The following USP32 variants were observed in gnomAD, a reference collection of about 807,000 sequenced individuals.
USP32 encodes ubiquitin carboxyl-terminal hydrolase 32.
A neutral mutation model predicts 204.8 loss-of-function variants in USP32; 59 were observed. The observed-to-expected ratio is 0.29, with a 90% confidence interval of 0.23 to 0.36. The LOEUF is 0.36. Ranked by LOEUF, USP32 falls within the 10% of genes least tolerant of loss-of-function variation. USP32 has a pLI of 1.00. For missense variants in USP32, 1,160 were observed against 1,946.4 expected, an observed-to-expected ratio of 0.60 and a Z score of 7.60; for synonymous variants, 517 against 678.4, an observed-to-expected ratio of 0.76 and a Z score of 3.70.
At chr17:60,378,906 T>C (rs1028780302) in intron 1 of USP32, among the ~76,000 whole-genome samples, 1 of 151,996 alleles carries the variant, frequency 6.6e-6, no homozygotes, top group Middle Eastern at 3.2e-3. Context: ...ATAGTTCAAA[T>C]GGTAAATGGT....
chr17:60,239,819 C>T lies in USP32; in HGVS notation c.1137-3579G>A, dbSNP rs113413455. On this transcript the variant is annotated intron_variant, in intron 11 of 33. Transcript: ENST00000300896. ...CACAATCTCAGATCACTACAACCTC[C>T]GCCTCCCGGGTTCAAGGGATTCTCC... Among the ~76,000 whole-genome samples the T allele has an allele frequency of 2.1e-3, 324 of 152,266 alleles. 2 individuals are homozygous for T. The highest frequency in any genetic ancestry group is 6.8e-3 in the Middle Eastern group (2 of 294).
chr17:60,243,354 T>G (rs193043535), intron 11 of USP32, among the ~76,000 whole-genome samples: 6 of 152,372 alleles, frequency 3.9e-5, no homozygotes, highest in Non-Finnish European at 8.8e-5. Context: ...TTTTATTTCC[T>G]TTTCTTGCCT....
At position 60,421,367 on chromosome 17, in the gene USP32, C is replaced by A. The variant is rs564682251; in HGVS notation, c.106+879G>T. The A allele has an allele frequency of 3.2e-5, 32 of 985,490 alleles. No homozygotes were observed. In the African/African-American group the frequency reaches 5.2e-4, roughly 16 times the overall value. The allele number at this position is 985,490 out of a possible 1,614,324, so 61.0% of individuals were successfully genotyped here. A position where few individuals can be genotyped will look rare whatever the true frequency, so the allele number is the denominator to read the frequency against. Reference sequence around the variant, plus strand: ...CCAAAGCTCCGGGCCTCCGGGCTACCCCTACTTGAAGCCGCTATGCCCCTC... The same window carrying A: ...CCAAAGCTCCGGGCCTCCGGGCTACACCTACTTGAAGCCGCTATGCCCCTC... On this transcript the variant is annotated intron_variant, in intron 1 of 3. Transcript: ENST00000588898.
At chr17:60,252,007 A>T (rs939873037) in intron 11 of USP32, among the ~76,000 whole-genome samples, 2 of 152,054 alleles carry the variant, frequency 1.3e-5, no homozygotes, top group African/African-American at 4.8e-5. Context: ...TATGAATATT[A>T]AAAATGTCTA....
intron 26 of USP32, among the ~76,000 whole-genome samples, chr17:60,202,010 G>A (rs2259529): frequency 4.0e-5 from 6 of 151,752 alleles, no homozygotes; most frequent in East Asian, 1.9e-4. Context: ...TATGAGTAGC[G>A]TCAGGAATGT....
intron 11 of USP32, among the ~76,000 whole-genome samples, 184 bp from the exon 12 acceptor site, chr17:60,236,424 T>C (rs543149727): frequency 3.9e-5 from 6 of 152,086 alleles, no homozygotes; most frequent in Non-Finnish European, 7.3e-5. Context: ...TCAAGAGTCA[T>C]AGGGCAGTAT....
intron 1 of USP32, among the ~76,000 whole-genome samples, chr17:60,408,176 AG>A (rs539354888): frequency 1.1e-4 from 17 of 152,240 alleles, no homozygotes; most frequent in Admixed American, 4.6e-4. Context: ...ACCAAGAAGC[AG>A]GGGGGAAAAA....
At chr17:60,290,833 A>G (rs1342592341) in intron 4 of USP32, among the ~76,000 whole-genome samples, 1 of 152,114 alleles carries the variant, frequency 6.6e-6, no homozygotes, top group Non-Finnish European at 1.5e-5. Context: ...CTGATTACCA[A>G]TGGTCAATGA....
chr17:60,206,947 T>C, intron 25 of USP32, 74 bp downstream of exon 25: 3 of 1,538,220 alleles, frequency 2.0e-6, no homozygotes, highest in South Asian at 1.2e-5. Context: ...CATGAACAAA[T>C]ATAAAAAAGA....
intron 2 of USP32, among the ~76,000 whole-genome samples, chr17:60,341,585 C>T (rs1051389307): frequency 3.3e-5 from 5 of 152,240 alleles, no homozygotes; most frequent in South Asian, 4.1e-4. Context: ...TATTTCTTGG[C>T]GGCTTTGTTC....
intron 26 of USP32, among the ~76,000 whole-genome samples, chr17:60,201,715 A>G (rs2084680502): frequency 1.3e-5 from 2 of 151,678 alleles, no homozygotes; most frequent in African/African-American, 4.9e-5. Context: ...CTGGAATGCA[A>G]TGGCATGATC....
chr17:60,341,354 G>C (rs1444098706), intron 2 of USP32, among the ~76,000 whole-genome samples: 1 of 151,894 alleles, frequency 6.6e-6, no homozygotes, highest in Non-Finnish European at 1.5e-5. Context: ...AGGAGCTCTT[G>C]TAAGGCAGGC....
At chr17:60,422,318 C>T (rs902538593) in exon 1 of USP32, 25 of 635,366 alleles carry the variant, frequency 3.9e-5, no homozygotes, top group Middle Eastern at 5.3e-4. Context: ...GCCTGCTGTG[C>T]GCTCTGCCAA....
At chr17:60,350,584 C>T (rs1434930080) in intron 1 of USP32, among the ~76,000 whole-genome samples, 1 of 152,160 alleles carries the variant, frequency 6.6e-6, no homozygotes, top group Admixed American at 6.5e-5. Flanking sequence ...CCACCGTGCC[C>T]GGCCCAGGTG....
chr17:60,192,244 T>C (rs923999078), intron 28 of USP32, among the ~76,000 whole-genome samples: 3 of 151,912 alleles, frequency 2.0e-5, no homozygotes, highest in Admixed American at 6.6e-5. Flanking sequence ...TGAGCTGAGA[T>C]TGAGCCACTG....
chr17:60,396,319 C>T (rs1024273139), upstream of USP32, among the ~76,000 whole-genome samples: 1 of 151,990 alleles, frequency 6.6e-6, no homozygotes, highest in Non-Finnish European at 1.5e-5. Flanking sequence ...TCAAGTAATC[C>T]GCCTGCCTTA....
intron 1 of USP32, among the ~76,000 whole-genome samples, chr17:60,414,820 G>T (rs2090047585): frequency 2.0e-5 from 3 of 151,312 alleles, no homozygotes; most frequent in Admixed American, 2.0e-4. Context: ...TTCCCTAGAA[G>T]GAACACCAGA....
rs566119553 is a variant in USP32 at position 60,342,840 on chromosome 17, G to A, written c.186+2641C>T. Among the ~76,000 whole-genome samples, 305 of 152,294 alleles carry A rather than the reference G, an allele frequency of 2.0e-3. 1 individual carries two copies. The highest frequency in any genetic ancestry group is 6.9e-3 in the African/African-American group (286 of 41,568). On this transcript the variant is annotated intron_variant, in intron 2 of 33. Coordinates refer to ENST00000300896, the MANE Select transcript of USP32 (RefSeq NM_032582.4). ...TAGTTACAGTCTGACATGGATTCCC[G>A]TGGCTAGGAAAGGGAAATCCCCTAA...
At chr17:60,390,546 A>G (rs890818164) in intron 1 of USP32, among the ~76,000 whole-genome samples, 12 of 151,744 alleles carry the variant, frequency 7.9e-5, no homozygotes, top group African/African-American at 2.9e-4. Context: ...AGGGAAAAAG[A>G]AAGAAAGACA....
Sources: allele counts gnomAD v4.1 joint callset (sites outside exome capture counted in the v4.1 genomes callset), GRCh38; gene constraint gnomAD v4.1.1; transcripts MANE v1.5; gene names NCBI Gene and HGNC (gene_info 2026-07-23, HGNC 2026-07-21).